CEP295: variants seen among roughly 807,000 people sequenced by gnomAD.
CEP295 encodes the protein centrosomal protein of 295 kDa.
In CEP295, 190 loss-of-function variants were observed where a neutral mutation model predicts 291.6. The ratio of observed to expected loss-of-function variants is 0.65; its 90% CI spans 0.58 to 0.73. The LOEUF (loss-of-function observed/expected upper bound fraction) is 0.73. CEP295 is among the 30% of genes least tolerant of loss of function. The pLI, the probability that CEP295 is intolerant of heterozygous loss-of-function variation, is 0.00. For missense variants in CEP295, 2,863 were observed against 2,949.4 expected, an observed-to-expected ratio of 0.97 and a Z score of 0.68; for synonymous variants, 993 against 1,038.8, an observed-to-expected ratio of 0.96 and a Z score of 0.85.
chr11:93,702,773 T>C lies in CEP295; in HGVS notation c.5453-3T>C. On this transcript the variant is annotated splice_region_variant and splice_polypyrimidine_tract_variant and intron_variant, in intron 16 of 29. Coordinates refer to ENST00000325212, the MANE Select transcript of CEP295 (RefSeq NM_033395.2). ...GTATCCAACTTTGTCATTGACTTAA[T>C]AGGTGAGCATCTGGAGAAAGATCTG... 6.4e-7 allele frequency: 1 copy of C among 1,551,130 alleles called. No individual in the cohort carries two copies. Among genetic ancestry groups the C allele is most frequent in the Non-Finnish European group, 8.7e-7 (1 of 1,146,806 alleles).
At chr11:93,675,954 T>C (rs1032767264) in intron 6 of CEP295, among the ~76,000 whole-genome samples, 2 of 152,052 alleles carry the variant, frequency 1.3e-5, no homozygotes, top group Non-Finnish European at 2.9e-5. Context: ...TTTGGAACTG[T>C]ACATATAAGT....
At position 93,722,007 on chromosome 11, in the gene CEP295, C is replaced by G. The variant is rs1953768086; in HGVS notation, c.5904C>G (p.Ser1968Arg). 1 of 1,572,096 alleles carries G rather than the reference C, an allele frequency of 6.4e-7. No homozygotes were observed. The highest frequency in any genetic ancestry group is 1.4e-5 in the African/African-American group (1 of 73,708). ...CTTCAGCAACTGTTTCCACTGGGAG[C>G]CTTTTAAGTTATGAAAACACAGATT... ...PLSSATVSTG[S>R]LLSYENTDLS... The change falls in exon 20 of 30, where the codon AGC (serine) becomes AGG (arginine). Residue 1968 changes from serine to arginine, a missense_variant. Ser to Arg is a moderately radical substitution (Grantham distance 110). Coordinates refer to ENST00000325212, the MANE Select transcript of CEP295 (RefSeq NM_033395.2).
chr11:93,678,476 TTAA>T (rs1461600727), intron 6 of CEP295, among the ~76,000 whole-genome samples: 2 of 152,248 alleles, frequency 1.3e-5, no homozygotes, highest in African/African-American at 4.8e-5. Context: ...GTGAGAATTT[TTAA>T]TAATCTTACA....
chr11:93,729,272 A>C, intron 25 of CEP295, 162 bp from the exon 26 acceptor site: 1 of 626,456 alleles, frequency 1.6e-6, no homozygotes, highest in Non-Finnish European at 2.8e-6. Context: ...CAATCCCTAC[A>C]AAAAATACAA....
intron 3 of CEP295, 124 bp from the exon 4 acceptor site, chr11:93,668,684 G>T: frequency 1.5e-6 from 1 of 686,740 alleles, no homozygotes; most frequent in Admixed American, 3.5e-5. Flanking sequence ...GTCATGCTCT[G>T]GGAAACACTG....
At chr11:93,729,216 G>T in intron 25 of CEP295, 1 of 582,874 alleles carries the variant, frequency 1.7e-6, no homozygotes, top group South Asian at 2.2e-5. Context: ...GAGGGCAGTG[G>T]AGCCTAAGCC....
At chr11:93,704,008 A>G (rs538697366) in intron 17 of CEP295, among the ~76,000 whole-genome samples, 1 of 151,896 alleles carries the variant, frequency 6.6e-6, no homozygotes, top group African/African-American at 2.4e-5. Context: ...TGACCTTGTG[A>G]TCCGCCCGCC....
chr11:93,679,393 A>G lies in CEP295; in HGVS notation c.625-19A>G, dbSNP rs1484988711. 3.3e-6 allele frequency: 5 copies of G among 1,532,806 alleles called. No homozygotes were observed. Among genetic ancestry groups the G allele is most frequent in the African/African-American group, 1.4e-5 (1 of 72,064 alleles). 95.0% of individuals were successfully genotyped at this position (1,532,806 alleles called of 1,614,324 possible). Reference sequence around the variant, plus strand: ...TCACACTTTAAAAATTTTGCCTACAATTTTTGATTGACTGCTAGCCAGATG... The same window carrying G: ...TCACACTTTAAAAATTTTGCCTACAGTTTTTGATTGACTGCTAGCCAGATG... On this transcript the variant is annotated intron_variant, in intron 6 of 29. Transcript: ENST00000325212.
At position 93,696,399 on chromosome 11, in the gene CEP295, A is replaced by C; in HGVS notation, c.1751A>C (p.Gln584Pro). 6.5e-7 allele frequency: 1 copy of C among 1,544,552 alleles called. No homozygotes were observed. Among genetic ancestry groups the C allele is most frequent in the Non-Finnish European group, 8.8e-7 (1 of 1,140,794 alleles). Residue 584 changes from glutamine to proline, a missense_variant, in exon 14 of 30, where the codon CAG becomes CCG. Physicochemically the swap from Gln to Pro is moderately conservative, Grantham distance 76. This residue lies in a region of CEP295 where 2,295 missense variants were observed against 2,335.7 expected (regional missense o/e 0.98). Coordinates refer to ENST00000325212, the MANE Select transcript of CEP295 (RefSeq NM_033395.2). ...CAGATGATTCGTAACTATCAACATC[A>C]GCTTTTACAACAAAACAGGTATTAG... ...HRQMIRNYQH[Q>P]LLQQNRLHRQ...
rs1230411707 is a variant in CEP295, at chr11:93,727,885, A to G, written c.7161+248A>G. On this transcript the variant is annotated intron_variant, in intron 24 of 29. Transcript: ENST00000325212. ...TATTGCTATCCAGCTTGTGATCACT[A>G]GAAATATCCAGCATAATGCAGAAAC... 5 of 369,590 alleles carry G rather than the reference A, an allele frequency of 1.4e-5. No homozygotes were observed. In the East Asian group the frequency reaches 1.8e-4, roughly 13 times the overall value. 22.9% of individuals were successfully genotyped at this position (369,590 alleles called of 1,614,324 possible). A position where few individuals can be genotyped will look rare whatever the true frequency, so the allele number is the denominator to read the frequency against.
intron 7 of CEP295, among the ~76,000 whole-genome samples, chr11:93,680,915 G>T (rs1019417421): frequency 1.3e-5 from 2 of 152,086 alleles, no homozygotes; most frequent in Non-Finnish European, 2.9e-5. Context: ...CTTATGAAAG[G>T]TTATTTTTAT....
intron 5 of CEP295, among the ~76,000 whole-genome samples, chr11:93,670,785 A>C (rs1371343193): frequency 3.3e-5 from 5 of 152,210 alleles, no homozygotes; most frequent in Non-Finnish European, 1.5e-5. Flanking sequence ...CTTAATTCTT[A>C]GTATTTATAA....
In CEP295 at chr11:93,699,215, A is replaced by T. The variant is rs566505123; in HGVS notation, c.4303A>T (p.Ile1435Leu). ...TATAGTATCCTCAGGTCACTCAGAGATACCAACATTGCCTGATGGGCTGTT... is the reference window on the plus strand; with the variant it reads ...TATAGTATCCTCAGGTCACTCAGAGTTACCAACATTGCCTGATGGGCTGTT... ...DNIVSSGHSE[I>L]PTLPDGLLGL... Residue 1435 changes from isoleucine to leucine, a missense_variant, in exon 15 of 30, where the codon ATA becomes TTA. Ile to Leu is a conservative substitution (Grantham distance 5, BLOSUM62 2). This residue lies in a region of CEP295 where 2,295 missense variants were observed against 2,335.7 expected (regional missense o/e 0.98). Transcript: ENST00000325212. 3.8e-5 allele frequency: 59 copies of T among 1,551,948 alleles called. No individual in the cohort carries two copies. The South Asian group carries it at 6.5e-4, about 17-fold the overall frequency.
intron 18 of CEP295, among the ~76,000 whole-genome samples, chr11:93,716,939 T>TA (rs1953301215): frequency 6.6e-6 from 1 of 152,220 alleles, no homozygotes; most frequent in Non-Finnish European, 1.5e-5. Flanking sequence ...AGTTACTAGT[T>TA]ACAGAGAACA....
Position 93,665,002 on chromosome 11 carries a change from C to A in CEP295, c.-26-1680C>A, listed in dbSNP as rs527276482. Among the ~76,000 whole-genome samples, 4 of 152,248 alleles carry A rather than the reference C, an allele frequency of 2.6e-5. No homozygotes were observed. In the East Asian group the frequency reaches 5.8e-4, roughly 22 times the overall value. ...AATACCAAGACAACATAAAATTAGT[C>A]CCCATCTGAATGTATAGGTAATAAT... On this transcript the variant is annotated intron_variant, in intron 1 of 29. Coordinates refer to ENST00000325212, the MANE Select transcript of CEP295 (RefSeq NM_033395.2).
At chr11:93,673,824 T>C (rs749285819) in intron 5 of CEP295, among the ~76,000 whole-genome samples, 2 of 152,134 alleles carry the variant, frequency 1.3e-5, no homozygotes, top group African/African-American at 2.4e-5. Context: ...TACTGGGCTC[T>C]GTTCCATGGA....
rs1472868776 is a variant in CEP295, at chr11:93,727,353, T to C, written c.6877T>C (p.Leu2293=). ...ELSKRGVVTM[L]QSQGLIEDNK... ...ATCAAAAAGAGGGGTTGTTACAATG[T>C]TACAAAGTCAAGGACTCATTGAAGA... The change falls in exon 24 of 30, where the codon TTA becomes CTA. Residue 2293 remains leucine (L), a synonymous_variant. Coordinates refer to ENST00000325212, the MANE Select transcript of CEP295 (RefSeq NM_033395.2). 6.4e-7 allele frequency: 1 copy of C among 1,551,502 alleles called. No individual in the cohort carries two copies.
chr11:93,719,239 T>C (rs1953506021), intron 18 of CEP295, among the ~76,000 whole-genome samples: 1 of 138,472 alleles, frequency 7.2e-6, no homozygotes, highest in Non-Finnish European at 1.6e-5. Flanking sequence ...TTGTTTTTTT[T>C]TTCCGGGTTT....
chr11:93,672,622 G>A (rs1181302178), intron 5 of CEP295, among the ~76,000 whole-genome samples: 1 of 152,010 alleles, frequency 6.6e-6, no homozygotes, highest in Non-Finnish European at 1.5e-5. Context: ...GCATGAGCCA[G>A]TGTCAGGTAC....
Sources: gnomAD v4.1 joint callset for allele counts (sites outside exome capture counted in the v4.1 genomes callset) on GRCh38, gnomAD v4.1.1 for gene constraint, gnomAD v4.1.1 regional missense constraint, MANE v1.5 for transcripts, NCBI Gene and HGNC (gene_info 2026-07-23, HGNC 2026-07-21) for gene names.